GPRIN1: variants seen among roughly 807,000 people sequenced by gnomAD.
GPRIN1 encodes G protein regulated inducer of neurite outgrowth 1, also known as G protein-regulated inducer of neurite outgrowth 1.
GPRIN1 carries 4 observed loss-of-function variants against 2.8 expected under a neutral mutation model. That is an observed-to-expected ratio of 1.45 (90% CI 0.71 to 3.32). The LOEUF is 3.32. Ranked by LOEUF, GPRIN1 falls within the 30% of genes most tolerant of loss-of-function variation. GPRIN1 has a pLI of 0.01. For synonymous variants in GPRIN1, 589 were observed against 589.9 expected (o/e 1.00, Z 0.02); for missense variants, 1,322 against 1,343.4 (o/e 0.98, Z 0.25).
In GPRIN1 at chr5:176,597,844, G is replaced by C. The variant is rs200259581; in HGVS notation, c.1991C>G (p.Pro664Arg). Residue 664 changes from proline (P) to arginine (R), a missense_variant, in exon 2 of 2, where the codon CCA becomes CGA. Pro to Arg is a moderately radical substitution (Grantham distance 103). Transcript: ENST00000303991. This position sits in a 1 kb window ranked among gnomAD's most constrained non-coding sequence, Gnocchi z 6.1. ...AGGATCCACCTTCTCTGAGGCCTGTGGTGTCTCCTTTTTCAAACACACAGC... is the reference window on the plus strand; with the variant it reads ...AGGATCCACCTTCTCTGAGGCCTGTCGTGTCTCCTTTTTCAAACACACAGC... ...AGAVCLKKET[P>R]QASEKVDPGS... 7.4e-6 allele frequency: 12 copies of C among 1,613,342 alleles called. No homozygotes were observed. The East Asian group carries it at 2.7e-4, about 36-fold the overall frequency.
Position 176,597,363 on chromosome 5 carries a change from C to T in GPRIN1, c.2472G>A (p.Val824=). ...TQAGAQACVS[V]AVSPMSPQDG... ...CCTGCGGAGACATGGGGCTCACGGC[C>T]ACTGAGACGCAGGCCTGCGCGCCCG... The change falls in exon 2 of 2, where the codon GTG becomes GTA. Residue 824 remains valine, a synonymous_variant. Coordinates refer to ENST00000303991, the MANE Select transcript of GPRIN1 (RefSeq NM_052899.3). The surrounding 1 kb of genome is among the most constrained non-coding windows in gnomAD (Gnocchi z 6.1). 1 of 1,265,146 alleles carries T rather than the reference C, an allele frequency of 7.9e-7. No individual in the cohort carries two copies. The highest frequency in any genetic ancestry group is 1.6e-5 in the African/African-American group (1 of 64,202). The allele number at this position is 1,265,146 out of a possible 1,614,324, so 78.4% of individuals were successfully genotyped here. A position where few individuals can be genotyped will look rare whatever the true frequency, so the allele number is the denominator to read the frequency against.
In GPRIN1 at chr5:176,598,069, T is replaced by C. The variant is rs140630530; in HGVS notation, c.1766A>G (p.Lys589Arg). Residue 589 changes from lysine (K) to arginine (R), a missense_variant, in exon 2 of 2, where the codon AAG becomes AGG. By Grantham distance (26) the Lys-to-Arg change is conservative (BLOSUM62 2). Coordinates refer to ENST00000303991, the MANE Select transcript of GPRIN1 (RefSeq NM_052899.3). ...PGKTVPVPSG[K>R]VDPVSLGKAE... ...TTTTCCCAGGGACACGGGATCCACC[T>C]TCCCCGAGGGCACCGGGACTGTTTT... is the stretch of plus-strand genomic sequence containing the variant. 85 of 1,613,880 alleles carry C rather than the reference T, an allele frequency of 5.3e-5. No homozygotes were observed. Among genetic ancestry groups the C allele is most frequent in the Non-Finnish European group, 6.6e-5 (78 of 1,180,020 alleles).
At position 176,596,735 on chromosome 5, in the gene GPRIN1, C is replaced by T. The variant is rs894933642; in HGVS notation, c.*73G>A. On this transcript the variant is annotated 3_prime_UTR_variant, in exon 2 of 2. Coordinates refer to ENST00000303991, the MANE Select transcript of GPRIN1 (RefSeq NM_052899.3). This position sits in a 1 kb window ranked among gnomAD's most constrained non-coding sequence, Gnocchi z 5.2. ...GAGGCCTGTGGCACGCAGAGGGGAC[C>T]CCTTCTAGGGGCCTGTGATCAAGAA... 1 of 1,268,820 alleles carries T rather than the reference C, an allele frequency of 7.9e-7. No individual in the cohort carries two copies. The highest frequency in any genetic ancestry group is 1.0e-6 in the Non-Finnish European group (1 of 989,878). 78.6% of individuals were successfully genotyped at this position (1,268,820 alleles called of 1,614,324 possible).
chr5:176,605,539 G>A (rs1292297410), intron 1 of GPRIN1, among the ~76,000 whole-genome samples: 4 of 152,138 alleles, frequency 2.6e-5, no homozygotes, highest in Non-Finnish European at 5.9e-5. Flanking sequence ...GCGGAGTTCC[G>A]CGGCTGTAAT....
rs1291591216 is a variant in GPRIN1, at chr5:176,598,866, T to A, written c.969A>T (p.Pro323=). ...CAGGCCCATTCTTGCCTGATGAGCCTGGAATCAGCTTGCCCAGGAGCCCCG... is the reference window on the plus strand; with the variant it reads ...CAGGCCCATTCTTGCCTGATGAGCCAGGAATCAGCTTGCCCAGGAGCCCCG... The part of the protein sequence containing the change: ...TEPGLLGKLI[P]GSSGKNGPVS... Residue 323 remains proline, a synonymous_variant, in exon 2 of 2, where the codon CCA becomes CCT. Transcript: ENST00000303991. 1 of 1,613,870 alleles carries A rather than the reference T, an allele frequency of 6.2e-7. No individual in the cohort carries two copies. Among genetic ancestry groups the A allele is most frequent in the Non-Finnish European group, 8.5e-7 (1 of 1,179,954 alleles).
chr5:176,603,451 C>T (rs1049786553), intron 1 of GPRIN1, among the ~76,000 whole-genome samples: 3 of 152,226 alleles, frequency 2.0e-5, no homozygotes, highest in Non-Finnish European at 4.4e-5. Context: ...GCTCATGTCA[C>T]TCTGCATCTG....
Position 176,596,524 on chromosome 5 carries a change from C to G in GPRIN1, c.*284G>C, listed in dbSNP as rs533380321. The G allele has an allele frequency of 4.9e-6, 1 of 204,358 alleles. No homozygotes were observed. Among genetic ancestry groups the G allele is most frequent in the Admixed American group, 6.0e-5 (1 of 16,688 alleles). The allele number at this position is 204,358 out of a possible 1,614,324, so 12.7% of individuals were successfully genotyped here. A position where few individuals can be genotyped will look rare whatever the true frequency, so the allele number is the denominator to read the frequency against. On this transcript the variant is annotated 3_prime_UTR_variant, in exon 2 of 2. Transcript: ENST00000303991. This position sits in a 1 kb window ranked among gnomAD's most constrained non-coding sequence, Gnocchi z 5.2. ...GAGGTGAGGGTGCTGAGCAGGCCCCCGTGGTCGCCCAGTGTGACCGGGAGT... is the reference window on the plus strand; with the variant it reads ...GAGGTGAGGGTGCTGAGCAGGCCCCGGTGGTCGCCCAGTGTGACCGGGAGT...
rs1362889480 is a variant in GPRIN1 at position 176,597,019 on chromosome 5, TG to T, written c.2815del (p.Gln939ArgfsTer146). ...CTCGATCTGTCGCTCCAGATGCTTC[TG>T]GATGGCCATGCCCAGCACCTCCACC... Reference protein sequence around the residue: ...MEVEVLGMAIQKHLERQIEEH... With the variant: ...MEVEVLGMAIXKHLERQIEEH... On this transcript the variant is annotated frameshift_variant, in exon 2 of 2. Coordinates refer to ENST00000303991, the MANE Select transcript of GPRIN1 (RefSeq NM_052899.3). LOFTEE classifies it high-confidence loss of function. The surrounding 1 kb of genome is among the most constrained non-coding windows in gnomAD (Gnocchi z 6.1). The T allele has an allele frequency of 2.7e-6, 4 of 1,477,296 alleles. No individual in the cohort carries two copies. The highest frequency in any genetic ancestry group is 3.6e-6 in the Non-Finnish European group (4 of 1,109,242). 91.5% of individuals were successfully genotyped at this position (1,477,296 alleles called of 1,614,324 possible).
intron 1 of GPRIN1, among the ~76,000 whole-genome samples, chr5:176,603,222 C>A (rs1293729981): frequency 6.6e-6 from 1 of 152,126 alleles, no homozygotes; most frequent in Non-Finnish European, 1.5e-5. Flanking sequence ...CCCACTCCCA[C>A]CCCCAAAACA....
intron 1 of GPRIN1, among the ~76,000 whole-genome samples, chr5:176,609,210 C>T (rs989578946): frequency 2.0e-5 from 3 of 152,278 alleles, no homozygotes; most frequent in East Asian, 1.9e-4. Flanking sequence ...TATCTGGGTA[C>T]GCAAGGGACC....
rs140938518 is a variant in GPRIN1, at chr5:176,598,760, C to T, written c.1075G>A (p.Gly359Arg). ...CLGMADPASV[G>R]NVETVPATKE... The stretch of plus-strand genomic sequence containing the variant: ...GTGGCAGGCACAGTTTCTACATTTC[C>T]CACAGATGCGGGATCTGCCATCCCC... The change falls in exon 2 of 2, where the codon GGA becomes AGA. Residue 359 changes from glycine to arginine, a missense_variant. Physicochemically the swap from Gly to Arg is moderately radical, Grantham distance 125. Transcript: ENST00000303991. 1,070 of 1,613,572 alleles carry T rather than the reference C, an allele frequency of 6.6e-4. 4 individuals are homozygous for T. In the Middle Eastern group the frequency reaches 0.013, roughly 19 times the overall value.
intron 1 of GPRIN1, among the ~76,000 whole-genome samples, chr5:176,606,693 C>T (rs1352344446): frequency 2.0e-5 from 3 of 152,200 alleles, no homozygotes; most frequent in East Asian, 3.9e-4. Flanking sequence ...TTCTCACAGC[C>T]GGCCCTTCAT....
intron 1 of GPRIN1, among the ~76,000 whole-genome samples, chr5:176,603,657 T>C (rs188690926): frequency 5.9e-5 from 9 of 151,956 alleles, no homozygotes; most frequent in African/African-American, 2.2e-4. Context: ...GGAACTGGAG[T>C]GCCCATGGGA....
At chr5:176,609,715 C>T (rs966900673) in intron 1 of GPRIN1, among the ~76,000 whole-genome samples, 4 of 151,966 alleles carry the variant, frequency 2.6e-5, no homozygotes, top group Non-Finnish European at 2.9e-5. Flanking sequence ...GACCCCACAG[C>T]CAGGTCAGCC....
At position 176,597,466 on chromosome 5, in the gene GPRIN1, G is replaced by A. The variant is rs1041967034; in HGVS notation, c.2369C>T (p.Thr790Ile). 1 of 1,326,058 alleles carries A rather than the reference G, an allele frequency of 7.5e-7. No individual in the cohort carries two copies. The highest frequency in any genetic ancestry group is 9.6e-7 in the Non-Finnish European group (1 of 1,041,692). 82.1% of individuals were successfully genotyped at this position (1,326,058 alleles called of 1,614,324 possible). Reference protein sequence around the residue: ...EAAAPPPGPRTRDNFTKAPSW... With the variant: ...EAAAPPPGPRIRDNFTKAPSW... ...CGGCGCCTTGGTGAAGTTGTCGCGA[G>A]TCCGCGGCCCCGGCGGGGGCGCTGC... Residue 790 changes from threonine (T) to isoleucine (I), a missense_variant, in exon 2 of 2, where the codon ACT becomes ATT. Physicochemically the swap from Thr to Ile is moderately conservative, Grantham distance 89 (BLOSUM62 -1). Around this residue, in one of 3 missense-constraint regions of GPRIN1, gnomAD observed 1,117 missense variants for 1,128.6 expected, o/e 0.99. Transcript: ENST00000303991. This position sits in a 1 kb window ranked among gnomAD's most constrained non-coding sequence, Gnocchi z 6.1.
At position 176,598,066 on chromosome 5, in the gene GPRIN1, A is replaced by T. The variant is rs1232990005; in HGVS notation, c.1769T>A (p.Val590Glu). ...TGCTTTTCCCAGGGACACGGGATCC[A>T]CCTTCCCCGAGGGCACCGGGACTGT... ...GKTVPVPSGK[V>E]DPVSLGKAEA... The change falls in exon 2 of 2, where the codon GTG (valine) becomes GAG (glutamate). Residue 590 changes from valine (V) to glutamate (E), a missense_variant. Around this residue, in one of 3 missense-constraint regions of GPRIN1, gnomAD observed 1,117 missense variants for 1,128.6 expected, o/e 0.99. Transcript: ENST00000303991. 6.2e-7 allele frequency: 1 copy of T among 1,613,816 alleles called. No homozygotes were observed. The highest frequency in any genetic ancestry group is 1.1e-5 in the South Asian group (1 of 91,066).
rs139495073 is a variant in GPRIN1 at position 176,598,462 on chromosome 5, G to A, written c.1373C>T (p.Pro458Leu). The A allele has an allele frequency of 3.3e-5, 54 of 1,614,052 alleles. No homozygotes were observed. The highest frequency in any genetic ancestry group is 2.2e-4 in the East Asian group (10 of 44,876). ...AGTVSPGKED[P>L]VSSRREDPIS... ...GGGGTCCTCCCTTCTGGAGGACACC[G>A]GGTCCTCTTTTCCTGGGGATACAGT... The change falls in exon 2 of 2, where the codon CCG (proline) becomes CTG (leucine). Residue 458 changes from proline to leucine, a missense_variant. Around this residue, in one of 3 missense-constraint regions of GPRIN1, gnomAD observed 1,117 missense variants for 1,128.6 expected, o/e 0.99. Coordinates refer to ENST00000303991, the MANE Select transcript of GPRIN1 (RefSeq NM_052899.3).
chr5:176,609,479 C>T (rs1011334487), intron 1 of GPRIN1, among the ~76,000 whole-genome samples: 2 of 152,162 alleles, frequency 1.3e-5, no homozygotes, highest in Non-Finnish European at 2.9e-5. Context: ...GGCGCCCGTG[C>T]GTGAACGCGG....
intron 1 of GPRIN1, among the ~76,000 whole-genome samples, chr5:176,605,063 T>A (rs1759203908): frequency 6.6e-6 from 1 of 151,842 alleles, no homozygotes; most frequent in African/African-American, 2.4e-5. Context: ...ATTGGCTAAT[T>A]TAAAAAATAT....
Sources: allele counts gnomAD v4.1 joint callset (sites outside exome capture counted in the v4.1 genomes callset), GRCh38; gene constraint gnomAD v4.1.1; regional missense constraint gnomAD v4.1.1; non-coding constraint Gnocchi (gnomAD v3.1); transcripts MANE v1.5; gene names NCBI Gene and HGNC (gene_info 2026-07-23, HGNC 2026-07-21).